RHD: variants seen among roughly 807,000 people sequenced by gnomAD.
The protein encoded by RHD is Rh blood group D antigen.
RHD carries 16 observed loss-of-function variants against 45.5 expected under a neutral mutation model. The ratio of observed to expected loss-of-function variants is 0.35; its 90% CI spans 0.24 to 0.53. The LOEUF is 0.53. Ranked by LOEUF, RHD falls within the 20% of genes least tolerant of loss-of-function variation. The pLI is 0.92. For missense variants in RHD, 306 were observed against 532.0 expected (o/e 0.58, Z 4.18); for synonymous variants, 131 against 217.5 (o/e 0.60, Z 3.50).
intron 1 of RHD, among the ~76,000 whole-genome samples, chr1:25,283,959 C>A (rs1641726574): frequency 7.4e-6 from 1 of 134,602 alleles, no homozygotes; most frequent in South Asian, 2.2e-4. Flanking sequence ...GGGTCTGAGA[C>A]CGGGAAAGGT....
chr1:25,288,570 C>T (rs1380447520), intron 2 of RHD, among the ~76,000 whole-genome samples: 3 of 126,026 alleles, frequency 2.4e-5, no homozygotes, highest in African/African-American at 8.2e-5. Context: ...TTGTGCTTGA[C>T]GTATATCAAC....
rs1427899164 is a variant in RHD at position 25,313,281 on chromosome 1, A to G, written c.1074-3719A>G. On this transcript the variant is annotated intron_variant, in intron 7 of 9. Transcript: ENST00000328664. ...AAGAAGGTCCTCAACAGATGCCAGC[A>G]GCATGTTCTTGGACTTCCCAGCCTC... is the stretch of plus-strand genomic sequence containing the variant. Among the ~76,000 whole-genome samples the G allele has an allele frequency of 3.0e-5, 4 of 132,260 alleles. 2 individuals are homozygous for G. The highest frequency in any genetic ancestry group is 7.2e-5 in the Non-Finnish European group (4 of 55,782). 86.8% of individuals were successfully genotyped at this position (132,260 alleles called of 152,430 possible).
chr1:25,312,787 G>A (rs1226474399), intron 7 of RHD, among the ~76,000 whole-genome samples: 1 of 119,466 alleles, frequency 8.4e-6, no homozygotes, highest in African/African-American at 2.8e-5. Context: ...GGATATGGTG[G>A]CACACATCTG....
At chr1:25,300,884 A>G (rs1643330507) in intron 3 of RHD, 62 bp from the exon 4 acceptor site, 1 of 1,355,328 alleles carries the variant, frequency 7.4e-7, no homozygotes, top group Non-Finnish European at 1.0e-6. Flanking sequence ...TCCAAGGACT[A>G]TCAGGGCTTG....
rs1643381930 is a variant in RHD, at chr1:25,301,500, C to T, written c.635-20C>T. On this transcript the variant is annotated intron_variant, in intron 4 of 9. Transcript: ENST00000328664. ...GGAGCAGGAGTGTGATTCTGGCCAACCACCCTCTCTGGCCCCCAGGCGCCC... is the reference window on the plus strand; with the variant it reads ...GGAGCAGGAGTGTGATTCTGGCCAATCACCCTCTCTGGCCCCCAGGCGCCC... 1.5e-6 allele frequency: 2 copies of T among 1,376,832 alleles called. No homozygotes were observed. Among genetic ancestry groups the T allele is most frequent in the Non-Finnish European group, 2.0e-6 (2 of 977,844 alleles). The allele number at this position is 1,376,832 out of a possible 1,614,324, so 85.3% of individuals were successfully genotyped here.
At chr1:25,297,151 A>C (rs1643026358) in intron 3 of RHD, among the ~76,000 whole-genome samples, 1 of 98,536 alleles carries the variant, frequency 1.0e-5, no homozygotes, top group Non-Finnish European at 2.4e-5. Flanking sequence ...CAGTTTCTTC[A>C]TCTTTCTTTA....
chr1:25,301,107 G>A lies in RHD; in HGVS notation c.634+14G>A. The A allele has an allele frequency of 4.4e-6, 6 of 1,374,482 alleles. 2 individuals carry two copies. Among genetic ancestry groups the A allele is most frequent in the Non-Finnish European group, 6.1e-6 (6 of 977,146 alleles). 85.1% of individuals were successfully genotyped at this position (1,374,482 alleles called of 1,614,324 possible). ...CTGCCATGCTGGGTAAGGACAAGGT[G>A]GGGTGAGTGGTCTCCTACTTGGGCT... On this transcript the variant is annotated intron_variant, in intron 4 of 9. Coordinates refer to ENST00000328664, the MANE Select transcript of RHD (RefSeq NM_016124.6).
In RHD at chr1:25,290,807, G is replaced by A; in HGVS notation, c.486+16G>A. The A allele has an allele frequency of 7.3e-7, 1 of 1,375,840 alleles. No individual in the cohort carries two copies. The highest frequency in any genetic ancestry group is 1.0e-6 in the Non-Finnish European group (1 of 977,410). 85.2% of individuals were successfully genotyped at this position (1,375,840 alleles called of 1,614,324 possible). A position where few individuals can be genotyped will look rare whatever the true frequency, so the allele number is the denominator to read the frequency against. ...TATCTTCAACGTGAGTCATGGTGCT[G>A]GGAGGAGGGACCTGGGAGAAAAGGG... On this transcript the variant is annotated intron_variant, in intron 3 of 9. Transcript: ENST00000328664.
At position 25,301,597 on chromosome 1, in the gene RHD, G is replaced by A. The variant is rs1053360; in HGVS notation, c.712G>A (p.Val238Met). The change falls in exon 5 of 10, where the codon GTG becomes ATG. Residue 238 changes from valine to methionine, a missense_variant. Transcript: ENST00000328664. ...AAGTCCAATCGAAAGGAAGAATGCCGTGTTCAACACCTACTATGCTGTAGC... is the reference window on the plus strand; with the variant it reads ...AAGTCCAATCGAAAGGAAGAATGCCATGTTCAACACCTACTATGCTGTAGC... ...LRSPIERKNA[V>M]FNTYYAVAVS... is the part of the protein sequence containing the mutation. 135 of 1,379,840 alleles carry A rather than the reference G, an allele frequency of 9.8e-5. 25 individuals carry two copies. Among genetic ancestry groups the A allele is most frequent in the East Asian group, 4.7e-4 (21 of 44,656 alleles). The allele number at this position is 1,379,840 out of a possible 1,614,324, so 85.5% of individuals were successfully genotyped here. A position where few individuals can be genotyped will look rare whatever the true frequency, so the allele number is the denominator to read the frequency against.
At chr1:25,276,457 C>G (rs1256724258) in intron 1 of RHD, among the ~76,000 whole-genome samples, 1 of 115,618 alleles carries the variant, frequency 8.6e-6, no homozygotes, top group African/African-American at 3.1e-5. Context: ...TTTAGGGAGG[C>G]CAAGTGGGGA....
In RHD at chr1:25,301,698, G is replaced by A. The variant is rs144465944; in HGVS notation, c.801+12G>A. The stretch of plus-strand genomic sequence containing the variant: ...GGAAGATCAGCAAGGTGAGCAGGGC[G>A]CTGCCCTTGGGCAGCACTTGGGTCT... On this transcript the variant is annotated intron_variant, in intron 5 of 9. Transcript: ENST00000328664. 1.1e-3 allele frequency: 1,471 copies of A among 1,376,746 alleles called. 268 individuals are homozygous for A. In the African/African-American group the frequency reaches 0.018, roughly 17 times the overall value. 85.3% of individuals were successfully genotyped at this position (1,376,746 alleles called of 1,614,324 possible).
At position 25,306,604 on chromosome 1, in the gene RHD, T is replaced by G; in HGVS notation, c.948T>G (p.Cys316Trp). The G allele has an allele frequency of 7.3e-7, 1 of 1,378,348 alleles. No homozygotes were observed. The highest frequency in any genetic ancestry group is 1.0e-6 in the Non-Finnish European group (1 of 978,646). 85.4% of individuals were successfully genotyped at this position (1,378,348 alleles called of 1,614,324 possible). A position where few individuals can be genotyped will look rare whatever the true frequency, so the allele number is the denominator to read the frequency against. Residue 316 changes from cysteine (C) to tryptophan (W), a missense_variant, in exon 7 of 10, where the codon TGT becomes TGG. By Grantham distance (215) the Cys-to-Trp change is radical. Coordinates refer to ENST00000328664, the MANE Select transcript of RHD (RefSeq NM_016124.6). Reference sequence around the variant, plus strand: ...ATAACACTTGTCCACAGGGGTGTTGTAACCGAGTGCTGGGGATTCCCCACA... The same window carrying G: ...ATAACACTTGTCCACAGGGGTGTTGGAACCGAGTGCTGGGGATTCCCCACA... Reference protein sequence around the residue: ...VGGAKYLPGCCNRVLGIPHSS... With the variant: ...VGGAKYLPGCWNRVLGIPHSS...
Position 25,298,309 on chromosome 1 carries a change from C to T in RHD, c.487-2637C>T, listed in dbSNP as rs1443225392. On this transcript the variant is annotated intron_variant, in intron 3 of 9. Transcript: ENST00000328664. ...TCCTGCTTTGTTGCAGTCTTCATAA[C>T]GATTGCTTTAAAAGACTGCATTGAT... Among the ~76,000 whole-genome samples, 12 of 122,904 alleles carry T rather than the reference C, an allele frequency of 9.8e-5. No homozygotes were observed. In the East Asian group the frequency reaches 1.6e-3, roughly 17 times the overall value. The allele number at this position is 122,904 out of a possible 152,430, so 80.6% of individuals were successfully genotyped here.
chr1:25,297,812 G>A (rs1195396700), intron 3 of RHD, among the ~76,000 whole-genome samples: 3 of 131,674 alleles, frequency 2.3e-5, no homozygotes, highest in Non-Finnish European at 5.4e-5. Flanking sequence ...AACCATAAAG[G>A]TGTATCTGTG....
rs557746335 is a variant in RHD at position 25,276,532 on chromosome 1, T to TAA, written c.148+3859_148+3860dup. Among the ~76,000 whole-genome samples the TAA allele has an allele frequency of 7.1e-4, 46 of 64,778 alleles. 8 individuals carry two copies. The highest frequency in any genetic ancestry group is 3.2e-3 in the African/African-American group (44 of 13,858). The allele number at this position is 64,778 out of a possible 152,430, so 42.5% of individuals were successfully genotyped here. A position where few individuals can be genotyped will look rare whatever the true frequency, so the allele number is the denominator to read the frequency against. On this transcript the variant is annotated intron_variant, in intron 1 of 9. Transcript: ENST00000328664. ...ACATAGGGAGACCCCCCCCCATCTCTAAAAAAAAAAAAAAAAAAAAAAACT... is the reference window on the plus strand; with the variant it reads ...ACATAGGGAGACCCCCCCCCATCTCTAAAAAAAAAAAAAAAAAAAAAAAAACT...
intron 8 of RHD, among the ~76,000 whole-genome samples, chr1:25,318,934 C>T (rs1170731586): frequency 7.5e-6 from 1 of 133,026 alleles, no homozygotes; most frequent in East Asian, 1.9e-4. Context: ...CTGGCCTTAG[C>T]TTTTTGCAGA....
intron 1 of RHD, among the ~76,000 whole-genome samples, chr1:25,279,132 T>G (rs1641262591): frequency 7.9e-6 from 1 of 126,192 alleles, no homozygotes; most frequent in African/African-American, 2.7e-5. Flanking sequence ...GCCAAAGTGC[T>G]GTTATCCAAA....
Position 25,323,534 on chromosome 1 carries a change from C to A in RHD, c.1227+1572C>A, listed in dbSNP as rs1295764849. ...AATGCAGTGGCACCATCATGGCTCA[C>A]TGTAGCCTCAACCTCCCCAGGCTCA... On this transcript the variant is annotated intron_variant, in intron 9 of 9. Coordinates refer to ENST00000328664, the MANE Select transcript of RHD (RefSeq NM_016124.6). Among the ~76,000 whole-genome samples the A allele has an allele frequency of 1.8e-4, 23 of 127,652 alleles. 3 individuals are homozygous for A. The highest frequency in any genetic ancestry group is 5.4e-4 in the African/African-American group (20 of 36,966). The allele number at this position is 127,652 out of a possible 152,430, so 83.7% of individuals were successfully genotyped here.
chr1:25,285,165 A>G (rs674631), intron 2 of RHD, among the ~76,000 whole-genome samples: 4 of 123,344 alleles, frequency 3.2e-5, no homozygotes, highest in East Asian at 4.0e-4. Flanking sequence ...ACGGAGTTTC[A>G]CTTTTGTTGC....
Sources: gnomAD v4.1 joint callset for allele counts (sites outside exome capture counted in the v4.1 genomes callset) on GRCh38, gnomAD v4.1.1 for gene constraint, MANE v1.5 for transcripts, NCBI Gene and HGNC (gene_info 2026-07-23, HGNC 2026-07-21) for gene names.